The following CNOT1 variants were observed in gnomAD, a reference collection of about 807,000 sequenced individuals.
The protein encoded by CNOT1 is CCR4-NOT transcription complex subunit 1.
Under a neutral mutation model 273.8 loss-of-function variants are expected in CNOT1, and 15 were observed. The observed-to-expected ratio is 0.05, with a 90% CI of 0.04 to 0.08. CNOT1 has a LOEUF of 0.08. Among genes scored for constraint, CNOT1 ranks in the 10% least tolerant of loss-of-function variants. The pLI, the probability that CNOT1 is intolerant of heterozygous loss-of-function variation, is 1.00. For synonymous variants in CNOT1, 1,022 were observed against 1,005.5 expected, an observed-to-expected ratio of 1.02 and a Z score of -0.31; for missense variants, 1,644 against 2,912.2, an observed-to-expected ratio of 0.56 and a Z score of 10.02.
intron 2 of CNOT1, among the ~76,000 whole-genome samples, chr16:58,596,598 C>G (rs1272466307): frequency 6.6e-6 from 1 of 151,918 alleles, no homozygotes. Context: ...ACTAAAAAGT[C>G]AATTTACCGC....
chr16:58,579,482 C>T (rs897097393), intron 12 of CNOT1, among the ~76,000 whole-genome samples: 1 of 151,978 alleles, frequency 6.6e-6, no homozygotes, highest in Non-Finnish European at 1.5e-5. Context: ...GGAAAGAGCC[C>T]TTTATCTGTT....
chr16:58,577,091 C>CT (rs11287356), intron 13 of CNOT1, among the ~76,000 whole-genome samples: 7 of 148,076 alleles, frequency 4.7e-5, no homozygotes, highest in Non-Finnish European at 9.0e-5. Context: ...AATTCCATTT[C>CT]TTTTTTTTTT....
intron 2 of CNOT1, 67 bp downstream of exon 2, chr16:58,599,169 G>C: frequency 6.3e-7 from 1 of 1,593,638 alleles, no homozygotes; most frequent in Non-Finnish European, 8.6e-7. Context: ...CCACATAAAT[G>C]TGTGGTTTTC....
chr16:58,540,305 G>GT (rs1489242283), intron 34 of CNOT1, among the ~76,000 whole-genome samples: 1 of 152,318 alleles, frequency 6.6e-6, no homozygotes, highest in South Asian at 2.1e-4. Flanking sequence ...TCCTAAGAAA[G>GT]TAAGTGTTTC....
At position 58,603,407 on chromosome 16, in the gene CNOT1, A is replaced by ATGTG. The variant is rs2042543737; in HGVS notation, c.-174-3897_-174-3896insCACA. 5.3e-3 allele frequency among the ~76,000 whole-genome samples: 670 copies of ATGTG among 126,358 alleles called. 10 individuals carry two copies. Among genetic ancestry groups the ATGTG allele is most frequent in the Non-Finnish European group, 6.5e-3 (397 of 61,194 alleles). The allele number at this position is 126,358 out of a possible 152,430, so 82.9% of individuals were successfully genotyped here. A position where few individuals can be genotyped will look rare whatever the true frequency, so the allele number is the denominator to read the frequency against. On this transcript the variant is annotated intron_variant, in intron 1 of 48. Transcript: ENST00000317147. ...CCTAGACCCTATCTCTACAATTTAA[A>ATGTG]AGTGTGTGTGTGTGTGTGTGTGTGT... is the stretch of plus-strand genomic sequence containing the variant.
chr16:58,536,161 T>C (rs2039925079), intron 39 of CNOT1, among the ~76,000 whole-genome samples: 1 of 152,166 alleles, frequency 6.6e-6, no homozygotes, highest in East Asian at 1.9e-4. Context: ...AGTTTTGGGT[T>C]CAGTTTGAAG....
chr16:58,604,932 C>T (rs1264869190), intron 1 of CNOT1, among the ~76,000 whole-genome samples: 8 of 149,876 alleles, frequency 5.3e-5, no homozygotes, highest in African/African-American at 1.2e-4. Flanking sequence ...GTCAGGAGAT[C>T]GAGACCATCC....
intron 16 of CNOT1, among the ~76,000 whole-genome samples, chr16:58,568,018 T>C (rs927528647): frequency 3.3e-5 from 5 of 152,202 alleles, no homozygotes; most frequent in African/African-American, 1.2e-4. Flanking sequence ...TTTAAACTTA[T>C]TGCCTATCTG....
intron 16 of CNOT1, among the ~76,000 whole-genome samples, chr16:58,572,337 T>C (rs543319383): frequency 4.0e-5 from 6 of 151,552 alleles, no homozygotes; most frequent in Non-Finnish European, 8.8e-5. Context: ...AATAGATAGA[T>C]CTACAAAGAT....
At chr16:58,624,151 G>A (rs753604534) in intron 1 of CNOT1, among the ~76,000 whole-genome samples, 1 of 152,134 alleles carries the variant, frequency 6.6e-6, no homozygotes, top group Non-Finnish European at 1.5e-5. Context: ...GGAAGTGGGG[G>A]ACTGTCTATG....
rs1346736320 is a variant in CNOT1, at chr16:58,541,211, AT to A, written c.4800+289del. Reference sequence around the variant, plus strand: ...CAGAGAAAGACCCTGTCTCAAAAAAATAAATAATAAAATTTAAAAATAAAAA... The same window carrying A: ...CAGAGAAAGACCCTGTCTCAAAAAAAAAATAATAAAATTTAAAAATAAAAA... On this transcript the variant is annotated intron_variant, in intron 34 of 48. Coordinates refer to ENST00000317147, the MANE Select transcript of CNOT1 (RefSeq NM_016284.5). 2.0e-5 allele frequency among the ~76,000 whole-genome samples: 3 copies of A among 152,184 alleles called. No homozygotes were observed. The East Asian group carries it at 5.8e-4, about 29-fold the overall frequency.
rs540057529 is a variant in CNOT1 at position 58,531,858 on chromosome 16, C to T, written c.6177+100G>A. ...TTCCCAACTAAGTTTGGAAGAAGTA[C>T]AATTACTACTAAATGACTAATAGAA... On this transcript the variant is annotated intron_variant, in intron 42 of 48. Transcript: ENST00000317147. The T allele has an allele frequency of 7.6e-5, 105 of 1,384,276 alleles. No individual in the cohort carries two copies. The African/African-American group carries it at 8.9e-4, about 12-fold the overall frequency. 85.7% of individuals were successfully genotyped at this position (1,384,276 alleles called of 1,614,324 possible).
At chr16:58,623,820 C>T (rs545340147) in intron 1 of CNOT1, among the ~76,000 whole-genome samples, 2 of 152,152 alleles carry the variant, frequency 1.3e-5, no homozygotes, top group East Asian at 1.9e-4. Context: ...GAAACCCCAT[C>T]TCTACCAAAA....
In CNOT1 at chr16:58,521,024, C is replaced by T. The variant is rs762569016; in HGVS notation, c.7065G>A (p.Ser2355=). The T allele has an allele frequency of 7.4e-6, 12 of 1,613,906 alleles. No homozygotes were observed. The highest frequency in any genetic ancestry group is 3.3e-5 in the Admixed American group (2 of 59,990). ...TCTGTCCCATGCAGCACTGTGCGAC[C>T]GACTGGAATAACCTGAAGGATGAAG... The part of the protein sequence containing the change: ...CAPEIEKLFQ[S]VAQCCMGQKQ... Residue 2355 remains serine (S), a synonymous_variant, in exon 49 of 49, where the codon TCG becomes TCA. Transcript: ENST00000317147.
intron 44 of CNOT1, 31 bp from the exon 45 acceptor site, chr16:58,526,169 C>T: frequency 1.9e-6 from 3 of 1,611,802 alleles, no homozygotes; most frequent in East Asian, 2.2e-5. Flanking sequence ...GAATCACAAG[C>T]AGAATCATTT....
intron 1 of CNOT1, among the ~76,000 whole-genome samples, chr16:58,602,981 C>T (rs1567437917): frequency 6.6e-6 from 1 of 152,142 alleles, no homozygotes; most frequent in African/African-American, 2.4e-5. Context: ...CATCCTTAAA[C>T]TTACTCAGGC....
chr16:58,546,796 A>AT (rs755858026), intron 27 of CNOT1, 47 bp from the exon 28 acceptor site: 2 of 1,610,034 alleles, frequency 1.2e-6, no homozygotes, highest in South Asian at 2.2e-5. Flanking sequence ...GTGCCCTTTA[A>AT]TTTGGATTAT....
chr16:58,548,666 A>C (rs1457418499), intron 25 of CNOT1: 2 of 514,346 alleles, frequency 3.9e-6, no homozygotes, highest in Non-Finnish European at 7.8e-6. Context: ...GTTATTGAGC[A>C]AAGAATGACC....
At position 58,600,505 on chromosome 16, in the gene CNOT1, ACT is replaced by A. The variant is rs143475319; in HGVS notation, c.-174-996_-174-995del. ...AGGAACATTCATCTCTCATTTTCAGACTCTCTTTCCATGGTATCTGCGACCTA... is the reference window on the plus strand; with the variant it reads ...AGGAACATTCATCTCTCATTTTCAGACTCTTTCCATGGTATCTGCGACCTA... On this transcript the variant is annotated intron_variant, in intron 1 of 48. Transcript: ENST00000317147. Among the ~76,000 whole-genome samples the A allele has an allele frequency of 7.0e-3, 1,069 of 152,112 alleles. 9 individuals are homozygous for A. The highest frequency in any genetic ancestry group is 0.024 in the African/African-American group (1,006 of 41,494).
Sources: allele counts gnomAD v4.1 joint callset (sites outside exome capture counted in the v4.1 genomes callset), GRCh38; gene constraint gnomAD v4.1.1; transcripts MANE v1.5; gene names NCBI Gene and HGNC (gene_info 2026-07-23, HGNC 2026-07-21).